Variants in WDR27 observed in about 807,000 individuals in gnomAD.
WDR27 encodes WD repeat domain 27.
WDR27 carries 100 observed loss-of-function variants against 114.4 expected under a neutral mutation model. The ratio of observed to expected loss-of-function variants is 0.87; its 90% CI spans 0.74 to 1.03. WDR27 has a LOEUF of 1.03. Among genes scored for constraint, WDR27 ranks in the 50% least tolerant of loss-of-function variants. WDR27 has a pLI of 0.00. For missense variants in WDR27, 1,129 were observed against 1,092.9 expected (o/e 1.03, Z -0.47); for synonymous variants, 449 against 423.1 (o/e 1.06, Z -0.75).
rs752201951 is a variant in WDR27 at position 169,665,531 on chromosome 6, A to G, written c.738T>C (p.Ile246=). The change falls in exon 7 of 26, where the codon ATT becomes ATC. Residue 246 remains isoleucine (I), a synonymous_variant. Transcript: ENST00000448612. ...TGACCAGCTGCCTGCTTTCTGCATC[A>G]ATGAATAAACTGAGAAGAGGATATG... ...LSAYPLLSLF[I]DAESRQLVTG... is the part of the protein sequence containing the mutation. 7 of 1,613,822 alleles carry G rather than the reference A, an allele frequency of 4.3e-6. 2 individuals carry two copies. In the South Asian group the frequency reaches 7.7e-5, roughly 18 times the overall value.
intron 25 of WDR27, among the ~76,000 whole-genome samples, chr6:169,519,346 T>C (rs962775573): frequency 1.3e-5 from 2 of 152,190 alleles, no homozygotes; most frequent in African/African-American, 2.4e-5. Flanking sequence ...ACATGAGACT[T>C]GGCAATTTAT....
chr6:169,673,666 G>C (rs1324358384), intron 2 of WDR27, among the ~76,000 whole-genome samples: 2 of 152,038 alleles, frequency 1.3e-5, no homozygotes, highest in East Asian at 3.9e-4. Flanking sequence ...TGAGATTCAA[G>C]GGGCTACGGG....
intron 1 of WDR27, among the ~76,000 whole-genome samples, chr6:169,690,218 T>C (rs1289376266): frequency 6.6e-6 from 1 of 152,052 alleles, no homozygotes; most frequent in African/African-American, 2.4e-5. Context: ...GAGGCCCTCA[T>C]GCTGGTCATG....
chr6:169,495,893 A>G (rs1227870205), intron 25 of WDR27, among the ~76,000 whole-genome samples: 6 of 151,956 alleles, frequency 3.9e-5, no homozygotes, highest in African/African-American at 1.2e-4. Flanking sequence ...AACTGGGGGA[A>G]AAAAAAACAC....
intron 25 of WDR27, among the ~76,000 whole-genome samples, chr6:169,560,797 A>G (rs1799575522): frequency 6.6e-6 from 1 of 152,162 alleles, no homozygotes; most frequent in Admixed American, 6.5e-5. Flanking sequence ...GCAGATACAC[A>G]CACGCCCCTC....
At chr6:169,492,075 C>G (rs1041140731) in intron 25 of WDR27, among the ~76,000 whole-genome samples, 2 of 151,566 alleles carry the variant, frequency 1.3e-5, no homozygotes, top group Non-Finnish European at 2.9e-5. Context: ...AGAAAATAGT[C>G]TGAATAATAC....
At chr6:169,601,879 A>C (rs1808056316) in intron 23 of WDR27, among the ~76,000 whole-genome samples, 1 of 152,240 alleles carries the variant, frequency 6.6e-6, no homozygotes, top group Non-Finnish European at 1.5e-5. Context: ...AACACATTAA[A>C]TACACAGGAT....
intron 1 of WDR27, among the ~76,000 whole-genome samples, chr6:169,689,705 T>C (rs144465337): frequency 4.3e-3 from 653 of 152,384 alleles, no homozygotes; most frequent in African/African-American, 0.015. Context: ...GGAATGGCAC[T>C]GGGGTCATCC....
chr6:169,683,515 T>C (rs1429350297), intron 2 of WDR27, among the ~76,000 whole-genome samples: 1 of 151,804 alleles, frequency 6.6e-6, no homozygotes, highest in South Asian at 2.1e-4. Flanking sequence ...ACCTGGCACT[T>C]GAGCCCCTCC....
chr6:169,668,082 C>T lies in WDR27; in HGVS notation c.560G>A (p.Arg187Gln), dbSNP rs185125982. 28 of 1,613,922 alleles carry T rather than the reference C, an allele frequency of 1.7e-5. No individual in the cohort carries two copies. The highest frequency in any genetic ancestry group is 1.9e-5 in the Non-Finnish European group (22 of 1,179,882). The change falls in exon 5 of 26, where the codon CGG becomes CAG. Residue 187 changes from arginine to glutamine, a missense_variant. By Grantham distance (43) the Arg-to-Gln change is conservative. Transcript: ENST00000448612. ...LHTFSQTQAV[R>Q]AELQGHLGPV... ...GCCCAGGTGGCCCTGCAGCTCGGCC[C>T]GAACAGCCTGAGTCTGAGAGAATGT... is the stretch of plus-strand genomic sequence containing the variant.
At chr6:169,564,863 T>G (rs990499722) in intron 25 of WDR27, among the ~76,000 whole-genome samples, 1 of 150,084 alleles carries the variant, frequency 6.7e-6, no homozygotes, top group African/African-American at 2.5e-5. Flanking sequence ...AACGCGTGAG[T>G]GAGTGAAGTA....
chr6:169,699,556 G>A (rs181209492), intron 1 of WDR27, among the ~76,000 whole-genome samples: 2 of 152,292 alleles, frequency 1.3e-5, no homozygotes, highest in African/African-American at 4.8e-5. Context: ...GGCACACGGT[G>A]GGCTCAGGGC....
At chr6:169,475,121 C>T (rs1197907582) in intron 25 of WDR27, among the ~76,000 whole-genome samples, 3 of 152,232 alleles carry the variant, frequency 2.0e-5, no homozygotes, top group Non-Finnish European at 2.9e-5. Context: ...AACTACATTA[C>T]ATTTTTTTGT....
intron 3 of WDR27, 25 bp from the exon 4 acceptor site, chr6:169,670,718 C>T (rs771845761): frequency 6.8e-6 from 11 of 1,612,416 alleles, no homozygotes; most frequent in South Asian, 6.6e-5. Context: ...ACCATTAGTG[C>T]CAGTTTACCA....
chr6:169,467,709 A>G (rs1785784241), intron 25 of WDR27, among the ~76,000 whole-genome samples: 2 of 152,224 alleles, frequency 1.3e-5, no homozygotes, highest in South Asian at 4.1e-4. Flanking sequence ...GATGGGAGGC[A>G]CTGCCATGAA....
chr6:169,663,160 GA>G (rs1826809517), intron 8 of WDR27, among the ~76,000 whole-genome samples: 1 of 152,224 alleles, frequency 6.6e-6, no homozygotes, highest in Non-Finnish European at 1.5e-5. Flanking sequence ...CAGAGCAAGG[GA>G]GTGGGAAAGA....
At chr6:169,635,314 G>C (rs1458863782) in intron 19 of WDR27, among the ~76,000 whole-genome samples, 14 of 152,226 alleles carry the variant, frequency 9.2e-5, no homozygotes, top group Non-Finnish European at 2.9e-5. Context: ...GAACTCGGGA[G>C]GCGGAGGTTG....
In WDR27 at chr6:169,662,426, T is replaced by C; in HGVS notation, c.905-2A>G. 2.5e-6 allele frequency: 4 copies of C among 1,613,898 alleles called. No individual in the cohort carries two copies. Among genetic ancestry groups the C allele is most frequent in the Non-Finnish European group, 3.4e-6 (4 of 1,179,800 alleles). ...TTGTAGAGGGAAGCTGGCTTTCTTC[T>C]AGGGACAGAATTATTGAGAATCTAA... On this transcript the variant is annotated splice_acceptor_variant, in intron 8 of 25. Coordinates refer to ENST00000448612, the MANE Select transcript of WDR27 (RefSeq NM_182552.5). LOFTEE classifies it high-confidence loss of function.
At chr6:169,517,600 A>G in intron 25 of WDR27, among the ~76,000 whole-genome samples, 1 of 152,140 alleles carries the variant, frequency 6.6e-6, no homozygotes, top group Non-Finnish European at 1.5e-5. Context: ...GGTTTGAGTT[A>G]TTTTCTATTC....
Sources: allele counts gnomAD v4.1 joint callset (sites outside exome capture counted in the v4.1 genomes callset), GRCh38; gene constraint gnomAD v4.1.1; transcripts MANE v1.5; gene names NCBI Gene and HGNC (gene_info 2026-07-23, HGNC 2026-07-21).